The following LRRC7 variants were observed in gnomAD, a reference collection of about 807,000 sequenced individuals.
LRRC7 encodes leucine rich repeat containing 7.
Under a neutral mutation model 175.7 loss-of-function variants are expected in LRRC7, and 23 were observed. That is an observed-to-expected ratio of 0.13 (90% confidence interval 0.09 to 0.19). LRRC7 has a LOEUF of 0.19. Among genes scored for constraint, LRRC7 ranks in the 10% least tolerant of loss-of-function variants. LRRC7 has a pLI of 1.00. For synonymous variants in LRRC7, 685 were observed against 680.9 expected (o/e 1.01, Z -0.09); for missense variants, 1,354 against 1,904.7 (o/e 0.71, Z 5.38).
chr1:69,909,092 C>G (rs1383822442), intron 7 of LRRC7, among the ~76,000 whole-genome samples: 1 of 151,666 alleles, frequency 6.6e-6, no homozygotes, highest in Non-Finnish European at 1.5e-5. Context: ...AGGATTGCAA[C>G]CCCTGCCTTT....
Position 70,143,237 on chromosome 1 carries a change from A to G in LRRC7, c.*21350A>G, listed in dbSNP as rs1667151541. ...TTTAATGATCTCTGACTTCACTACC[A>G]TATGTGCAGCACAACAGTGACATCT... On this transcript the variant is annotated 3_prime_UTR_variant, in exon 27 of 27. Transcript: ENST00000651989. The G allele has an allele frequency of 6.6e-6, 1 of 150,880 alleles. No individual in the cohort carries two copies. The highest frequency in any genetic ancestry group is 1.5e-5 in the Non-Finnish European group (1 of 67,818). The allele number at this position is 150,880 out of a possible 1,614,324, so 9.3% of individuals were successfully genotyped here.
At chr1:69,701,136 C>T (rs1023913502) in intron 2 of LRRC7, among the ~76,000 whole-genome samples, 1 of 152,094 alleles carries the variant, frequency 6.6e-6, no homozygotes, top group African/African-American at 2.4e-5. Flanking sequence ...ATGAAAGGTA[C>T]AGACCAAACC....
intron 2 of LRRC7, among the ~76,000 whole-genome samples, chr1:69,724,052 T>C (rs1392843046): frequency 3.3e-5 from 5 of 152,192 alleles, no homozygotes; most frequent in Admixed American, 2.6e-4. Context: ...AAACCACATG[T>C]TCTGGAGTTG....
At chr1:69,570,942 A>C (rs1252782687) in intron 1 of LRRC7, among the ~76,000 whole-genome samples, 1 of 152,190 alleles carries the variant, frequency 6.6e-6, no homozygotes, top group African/African-American at 2.4e-5. Flanking sequence ...TTTATGACCC[A>C]ACATTTAGAG....
At chr1:70,066,693 G>T (rs953327281) in intron 23 of LRRC7, among the ~76,000 whole-genome samples, 1 of 151,942 alleles carries the variant, frequency 6.6e-6, no homozygotes, top group Non-Finnish European at 1.5e-5. Context: ...ATAAACATCT[G>T]TGCGCACCTT....
chr1:69,734,170 G>A (rs192394746), intron 2 of LRRC7, among the ~76,000 whole-genome samples: 7 of 151,724 alleles, frequency 4.6e-5, no homozygotes, highest in African/African-American at 1.4e-4. Flanking sequence ...AGACATTACA[G>A]AAAAATTAAA....
intron 7 of LRRC7, among the ~76,000 whole-genome samples, chr1:69,867,515 G>A (rs1315870154): frequency 2.0e-5 from 3 of 152,118 alleles, no homozygotes; most frequent in African/African-American, 7.2e-5. Flanking sequence ...ATTTTTCAAG[G>A]GTAACGAACA....
intron 1 of LRRC7, among the ~76,000 whole-genome samples, chr1:69,630,147 A>C (rs1392240956): frequency 1.3e-5 from 2 of 151,748 alleles, no homozygotes; most frequent in African/African-American, 4.8e-5. Context: ...ACATCTCTCT[A>C]TTTTCTTGTT....
chr1:70,033,903 A>G (rs1201788941), intron 18 of LRRC7, among the ~76,000 whole-genome samples: 1 of 152,114 alleles, frequency 6.6e-6, no homozygotes, highest in Non-Finnish European at 1.5e-5. Context: ...GTAATTAGGT[A>G]TCATAGGAAT....
intron 3 of LRRC7, among the ~76,000 whole-genome samples, chr1:69,781,759 G>A (rs193007262): frequency 0.011 from 459 of 41,962 alleles, 51 homozygotes; most frequent in East Asian, 0.031. Flanking sequence ...GAGAGAGAGA[G>A]AGAGAGAAAG....
chr1:69,971,527 T>C (rs1228925020), intron 8 of LRRC7, among the ~76,000 whole-genome samples: 1 of 151,990 alleles, frequency 6.6e-6, no homozygotes, highest in Non-Finnish European at 1.5e-5. Flanking sequence ...TTACAATAGC[T>C]GCAAACAAAC....
At chr1:70,026,431 G>C (rs541358306) in intron 17 of LRRC7, among the ~76,000 whole-genome samples, 1 of 151,980 alleles carries the variant, frequency 6.6e-6, no homozygotes, top group Non-Finnish European at 1.5e-5. Context: ...TACTTAATTT[G>C]TGATTAACAT....
chr1:69,934,192 A>T (rs190738255), intron 8 of LRRC7, among the ~76,000 whole-genome samples: 7 of 152,268 alleles, frequency 4.6e-5, no homozygotes, highest in Admixed American at 1.3e-4. Flanking sequence ...GTAGCTAGAT[A>T]TTGACACCGT....
At chr1:69,719,066 C>G (rs1181959915) in intron 2 of LRRC7, among the ~76,000 whole-genome samples, 3 of 151,028 alleles carry the variant, frequency 2.0e-5, no homozygotes, top group African/African-American at 7.3e-5. Flanking sequence ...GAATATCATT[C>G]AGGATATCGT....
chr1:70,132,653 A>G lies in LRRC7; in HGVS notation c.*10766A>G, dbSNP rs1176465110. 6.6e-6 allele frequency among the ~76,000 whole-genome samples: 1 copy of G among 151,576 alleles called. No homozygotes were observed. Among genetic ancestry groups the G allele is most frequent in the Admixed American group, 6.6e-5 (1 of 15,204 alleles). ...CACCCGGCTAATTTTTTGTATTTTT[A>G]GTAGAGACGGAGTTTCACCTTCTTG... On this transcript the variant is annotated 3_prime_UTR_variant, in exon 27 of 27. Transcript: ENST00000651989.
intron 4 of LRRC7, among the ~76,000 whole-genome samples, chr1:69,824,684 T>G (rs1180476318): frequency 6.6e-6 from 1 of 152,146 alleles, no homozygotes; most frequent in Non-Finnish European, 1.5e-5. Context: ...TCTAGATGAA[T>G]GAAATCTAAA....
chr1:69,706,994 T>C (rs752280534), intron 2 of LRRC7, among the ~76,000 whole-genome samples: 9 of 152,128 alleles, frequency 5.9e-5, no homozygotes, highest in South Asian at 2.1e-4. Context: ...AGGATAAAAT[T>C]ACCAGTAAAC....
intron 25 of LRRC7, among the ~76,000 whole-genome samples, chr1:70,100,191 G>A (rs762233266): frequency 4.6e-5 from 7 of 151,940 alleles, no homozygotes; most frequent in African/African-American, 1.2e-4. Flanking sequence ...TAGCACTTAC[G>A]TTCAAATTAT....
chr1:69,646,566 G>GAAAC (rs904100432), intron 1 of LRRC7, among the ~76,000 whole-genome samples: 23 of 152,246 alleles, frequency 1.5e-4, no homozygotes, highest in African/African-American at 4.6e-4. Flanking sequence ...AGTCCTTGAT[G>GAAAC]AAACTCCTTG....
Sources: gnomAD v4.1 joint callset for allele counts (sites outside exome capture counted in the v4.1 genomes callset) on GRCh38, gnomAD v4.1.1 for gene constraint, MANE v1.5 for transcripts, NCBI Gene and HGNC (gene_info 2026-07-23, HGNC 2026-07-21) for gene names.